THOC1: variants seen among roughly 807,000 people sequenced by gnomAD.
The protein encoded by THOC1 is THO complex subunit 1.
A neutral mutation model predicts 97.3 loss-of-function variants in THOC1; 29 were observed. The ratio of observed to expected loss-of-function variants is 0.30; its 90% CI spans 0.22 to 0.41. THOC1 has a LOEUF of 0.41. Among genes scored for constraint, THOC1 ranks in the 10% least tolerant of loss-of-function variants. The probability of loss-of-function intolerance (pLI) is 1.00; values close to 1 mark genes in which losing one functional copy is unlikely to be tolerated. For missense variants in THOC1, 529 were observed against 761.9 expected (o/e 0.69, Z 3.60); for synonymous variants, 255 against 257.0 (o/e 0.99, Z 0.07).
chr18:221,647 CG>C (rs1911084179), intron 17 of THOC1, among the ~76,000 whole-genome samples: 1 of 142,094 alleles, frequency 7.0e-6, no homozygotes, highest in African/African-American at 2.6e-5. Flanking sequence ...CTCGCTCTGT[CG>C]CCCAGGCTGG....
chr18:246,702 G>A (rs1912100167), intron 10 of THOC1, among the ~76,000 whole-genome samples: 1 of 151,988 alleles, frequency 6.6e-6, no homozygotes, highest in African/African-American at 2.4e-5. Flanking sequence ...CTTGGCCAGT[G>A]GTGGTGGCTC....
chr18:242,001 C>T lies in THOC1; in HGVS notation c.918+4323G>A, dbSNP rs1039904777. ...TTGCTCTGCTAAAAAGGGAACTATACTGTTGGGCACTAGTATTCAGAATCA... is the reference window on the plus strand; with the variant it reads ...TTGCTCTGCTAAAAAGGGAACTATATTGTTGGGCACTAGTATTCAGAATCA... On this transcript the variant is annotated intron_variant, in intron 11 of 20. Coordinates refer to ENST00000261600, the MANE Select transcript of THOC1 (RefSeq NM_005131.3). The surrounding 1 kb of genome is among the most constrained non-coding windows in gnomAD (Gnocchi z 4.5). Among the ~76,000 whole-genome samples, 1 of 152,176 alleles carries T rather than the reference C, an allele frequency of 6.6e-6. No individual in the cohort carries two copies. Among genetic ancestry groups the T allele is most frequent in the Non-Finnish European group, 1.5e-5 (1 of 68,032 alleles).
At chr18:218,636 TG>T (rs1479055576) in intron 18 of THOC1, among the ~76,000 whole-genome samples, 2 of 151,464 alleles carry the variant, frequency 1.3e-5, no homozygotes, top group Non-Finnish European at 2.9e-5. Context: ...TGGAGAGAAA[TG>T]GGGATCAGGG....
At chr18:247,689 G>C (rs959092843) in intron 10 of THOC1, among the ~76,000 whole-genome samples, 160 bp downstream of exon 10, 7 of 152,108 alleles carry the variant, frequency 4.6e-5, no homozygotes, top group African/African-American at 1.7e-4. Context: ...CAATATTAGT[G>C]GTTTAAATAT....
chr18:237,095 GTC>G (rs1911730683), intron 11 of THOC1, among the ~76,000 whole-genome samples: 1 of 150,958 alleles, frequency 6.6e-6, no homozygotes, highest in Non-Finnish European at 1.5e-5. Flanking sequence ...CTGTATATAA[GTC>G]TGATCAGACT....
rs35294329 is a variant in THOC1, at chr18:253,902, ATT to A, written c.603+369_603+370del. On this transcript the variant is annotated intron_variant, in intron 8 of 20. Coordinates refer to ENST00000261600, the MANE Select transcript of THOC1 (RefSeq NM_005131.3). ...TGACTTGTAGGCCCATTTACATGAA[ATT>A]TTTTTTTTTTTTTTTTTTTTAAATG... Among the ~76,000 whole-genome samples the A allele has an allele frequency of 1.5e-3, 206 of 133,912 alleles. 1 individual carries two copies. Among genetic ancestry groups the A allele is most frequent in the African/African-American group, 3.3e-3 (118 of 36,042 alleles). The allele number at this position is 133,912 out of a possible 152,430, so 87.9% of individuals were successfully genotyped here. A position where few individuals can be genotyped will look rare whatever the true frequency, so the allele number is the denominator to read the frequency against.
intron 17 of THOC1, among the ~76,000 whole-genome samples, chr18:223,167 T>C (rs989878225): frequency 1.3e-5 from 2 of 152,214 alleles, no homozygotes; most frequent in Non-Finnish European, 2.9e-5. Context: ...CAATCATTAG[T>C]ACTGCTGCCC....
chr18:215,847 T>C, intron 19 of THOC1: 1 of 238,842 alleles, frequency 4.2e-6, no homozygotes, highest in Non-Finnish European at 8.1e-6. Context: ...TCCTTAAAAG[T>C]TTCTGATTCT....
intron 1 of THOC1, among the ~76,000 whole-genome samples, chr18:266,909 C>T (rs1397505285): frequency 2.0e-5 from 3 of 151,776 alleles, no homozygotes; most frequent in Non-Finnish European, 4.4e-5. Context: ...TGCAGCAAAA[C>T]GCACACAAAG....
chr18:259,796 G>T, intron 5 of THOC1, 66 bp from the exon 6 acceptor site: 5 of 1,277,852 alleles, frequency 3.9e-6, no homozygotes, highest in Non-Finnish European at 5.4e-6. Context: ...ATAATAAGTT[G>T]CCAGAGTGAA....
intron 11 of THOC1, among the ~76,000 whole-genome samples, chr18:241,385 T>G (rs554611899): frequency 6.6e-6 from 1 of 152,314 alleles, no homozygotes; most frequent in South Asian, 2.1e-4. Flanking sequence ...CCAGGAACTT[T>G]TTTTTAAAAA....
Position 248,029 on chromosome 18 carries a change from G to C in THOC1, c.678-72C>G, listed in dbSNP as rs1467926400. 8 of 1,039,168 alleles carry C rather than the reference G, an allele frequency of 7.7e-6. No homozygotes were observed. The East Asian group carries it at 2.2e-4, about 29-fold the overall frequency. 64.4% of individuals were successfully genotyped at this position (1,039,168 alleles called of 1,614,324 possible). A position where few individuals can be genotyped will look rare whatever the true frequency, so the allele number is the denominator to read the frequency against. ...CAAATATCTAAATATTCTTAACTTA[G>C]CTTTGGTCACAAACCGTTTTCAGAA... On this transcript the variant is annotated intron_variant, in intron 9 of 20. Transcript: ENST00000261600.
intron 10 of THOC1, among the ~76,000 whole-genome samples, chr18:247,304 A>G (rs1912127209): frequency 6.6e-6 from 1 of 152,262 alleles, no homozygotes; most frequent in Admixed American, 6.5e-5. Context: ...CAAGAAAAAT[A>G]TAACAAATTC....
At chr18:251,929 C>T (rs917772286) in intron 9 of THOC1, among the ~76,000 whole-genome samples, 1 of 152,216 alleles carries the variant, frequency 6.6e-6, no homozygotes, top group Admixed American at 6.5e-5. Context: ...TGTTTAATAA[C>T]AGAAGCATTT....
intron 11 of THOC1, among the ~76,000 whole-genome samples, chr18:230,088 T>C (rs1196356534): frequency 1.3e-5 from 2 of 152,196 alleles, no homozygotes; most frequent in East Asian, 3.9e-4. Flanking sequence ...TGACACCTGA[T>C]CAGATTTCAT....
intron 9 of THOC1, among the ~76,000 whole-genome samples, chr18:252,137 G>A (rs1912298098): frequency 1.3e-5 from 2 of 152,180 alleles, no homozygotes; most frequent in African/African-American, 4.8e-5. Flanking sequence ...GAGGAGATAA[G>A]AAACAGTTTT....
At chr18:226,108 C>T (rs1489286741) in intron 12 of THOC1, 1 of 152,218 alleles carries the variant, frequency 6.6e-6, no homozygotes, top group African/African-American at 2.4e-5. Flanking sequence ...TAAGAAATAA[C>T]ATTTTTTGAG....
chr18:220,524 A>G (rs1225086351), intron 17 of THOC1, among the ~76,000 whole-genome samples: 1 of 152,202 alleles, frequency 6.6e-6, no homozygotes, highest in Non-Finnish European at 1.5e-5. Flanking sequence ...TCAGACTCCT[A>G]CCAGCAGCAC....
intron 11 of THOC1, among the ~76,000 whole-genome samples, chr18:229,968 A>AT (rs1471503484): frequency 1.3e-5 from 2 of 152,082 alleles, no homozygotes; most frequent in African/African-American, 4.8e-5. Flanking sequence ...TTGAATTACC[A>AT]TTTATAAACT....
Sources: allele counts gnomAD v4.1 joint callset (sites outside exome capture counted in the v4.1 genomes callset), GRCh38; gene constraint gnomAD v4.1.1; non-coding constraint Gnocchi (gnomAD v3.1); transcripts MANE v1.5; gene names NCBI Gene and HGNC (gene_info 2026-07-23, HGNC 2026-07-21).